PTPRK: variants seen among roughly 807,000 people sequenced by gnomAD.
PTPRK encodes the protein receptor-type tyrosine-protein phosphatase kappa.
In PTPRK, 75 loss-of-function variants were observed where a neutral mutation model predicts 178.0. The ratio of observed to expected loss-of-function variants is 0.42; its 90% CI spans 0.35 to 0.51. PTPRK has a LOEUF of 0.51. Ranked by LOEUF, PTPRK falls within the 20% of genes least tolerant of loss-of-function variation. The probability of loss-of-function intolerance (pLI) is 0.02; values close to 1 mark genes in which losing one functional copy is unlikely to be tolerated. For missense variants in PTPRK, 1,441 were observed against 1,797.8 expected (o/e 0.80, Z 3.59); for synonymous variants, 637 against 620.6 (o/e 1.03, Z -0.39).
intron 1 of PTPRK, among the ~76,000 whole-genome samples, chr6:128,447,324 A>G (rs767651329): frequency 8.5e-5 from 13 of 152,216 alleles, no homozygotes; most frequent in Non-Finnish European, 1.6e-4. Context: ...GAAAATAATA[A>G]TAGCTAACAT....
chr6:128,252,705 C>T (rs1251696748), intron 3 of PTPRK, among the ~76,000 whole-genome samples: 1 of 152,150 alleles, frequency 6.6e-6, no homozygotes, highest in Admixed American at 6.5e-5. Context: ...ACACAGTGCA[C>T]ACCACAGTTC....
At chr6:128,122,211 A>G (rs776011397) in intron 7 of PTPRK, among the ~76,000 whole-genome samples, 2 of 152,154 alleles carry the variant, frequency 1.3e-5, no homozygotes, top group Non-Finnish European at 2.9e-5. Context: ...TCTTTGGGGG[A>G]AGACACAAGT....
intron 1 of PTPRK, among the ~76,000 whole-genome samples, chr6:128,441,587 TCTC>T (rs1846288331): frequency 6.6e-6 from 1 of 152,102 alleles, no homozygotes; most frequent in African/African-American, 2.4e-5. Flanking sequence ...CCAGCTAGTC[TCTC>T]CTCTAGATAG....
chr6:128,376,507 G>A (rs142268421), intron 2 of PTPRK, among the ~76,000 whole-genome samples: 252 of 152,260 alleles, frequency 1.7e-3, no homozygotes, highest in Non-Finnish European at 3.1e-3. Context: ...CTAGCCCTCT[G>A]AGCCTGTGAT....
intron 1 of PTPRK, among the ~76,000 whole-genome samples, chr6:128,435,046 C>CAGGAAGGCAGGAAGGAAGGA (rs1845346116): frequency 1.4e-5 from 1 of 72,428 alleles, no homozygotes. Flanking sequence ...GGCAGGAAGG[C>CAGGAAGGCAGGAAGGAAGGA]AGGAAGGAAG....
At chr6:128,501,408 C>CAT (rs1855539405) in intron 1 of PTPRK, among the ~76,000 whole-genome samples, 1 of 152,064 alleles carries the variant, frequency 6.6e-6, no homozygotes, top group Non-Finnish European at 1.5e-5. Flanking sequence ...CACACACACA[C>CAT]ACACACACAC....
At chr6:128,292,629 T>C (rs924070410) in intron 3 of PTPRK, among the ~76,000 whole-genome samples, 2 of 152,080 alleles carry the variant, frequency 1.3e-5, no homozygotes, top group Non-Finnish European at 2.9e-5. Context: ...TTCTCTGTCA[T>C]GACCTTCCTC....
chr6:128,505,133 C>T (rs1856136338), intron 1 of PTPRK, among the ~76,000 whole-genome samples: 1 of 145,404 alleles, frequency 6.9e-6, no homozygotes, highest in Non-Finnish European at 1.5e-5. Flanking sequence ...GAGACGGAGT[C>T]TCACTCTGTC....
In PTPRK at chr6:128,161,313, T is replaced by C. The variant is rs538274506; in HGVS notation, c.1162+23119A>G. The stretch of plus-strand genomic sequence containing the variant: ...CTGAAAGTTCATGTTCTAGTAGCCC[T>C]ATGTGAATTGTCAATGTGTATTCCA... On this transcript the variant is annotated intron_variant, in intron 7 of 29. Coordinates refer to ENST00000368226, the MANE Select transcript of PTPRK (RefSeq NM_002844.4). Among the ~76,000 whole-genome samples, 30 of 151,754 alleles carry C rather than the reference T, an allele frequency of 2.0e-4. No individual in the cohort carries two copies. In the South Asian group the frequency reaches 6.2e-3, roughly 31 times the overall value.
intron 1 of PTPRK, chr6:128,518,994 G>A (rs1344633842): frequency 2.0e-6 from 1 of 507,744 alleles, no homozygotes; most frequent in Non-Finnish European, 4.0e-6. Flanking sequence ...GAAACTGTCA[G>A]GTACAAAGTA....
intron 27 of PTPRK, 137 bp downstream of exon 27, chr6:127,976,520 A>G: frequency 4.6e-6 from 5 of 1,081,082 alleles, no homozygotes; most frequent in Non-Finnish European, 6.6e-6. Flanking sequence ...CTAAGGCATA[A>G]GATGGTTACT....
intron 13 of PTPRK, among the ~76,000 whole-genome samples, chr6:128,020,730 A>G (rs891433252): frequency 2.0e-5 from 3 of 152,210 alleles, no homozygotes; most frequent in African/African-American, 7.2e-5. Context: ...CTAAAATAGT[A>G]AAGATGGTCG....
chr6:128,297,900 A>G (rs1824781724), intron 3 of PTPRK, among the ~76,000 whole-genome samples: 1 of 152,192 alleles, frequency 6.6e-6, no homozygotes, highest in African/African-American at 2.4e-5. Context: ...GGAAGTAGAG[A>G]CATAAAAAGC....
At position 128,386,557 on chromosome 6, in the gene PTPRK, G is replaced by A. The variant is rs547998411; in HGVS notation, c.223+11009C>T. Among the ~76,000 whole-genome samples, 6 of 152,150 alleles carry A rather than the reference G, an allele frequency of 3.9e-5. No homozygotes were observed. The East Asian group carries it at 1.2e-3, about 29-fold the overall frequency. On this transcript the variant is annotated intron_variant, in intron 2 of 29. Transcript: ENST00000368226. ...CTAATGGAGATGGTTATTTTGAGTT[G>A]GTTCCTAAGCTTCTGAAAAGAAGAA...
intron 6 of PTPRK, among the ~76,000 whole-genome samples, chr6:128,204,777 G>T (rs1806619743): frequency 6.6e-6 from 1 of 152,094 alleles, no homozygotes; most frequent in African/African-American, 2.4e-5. Context: ...ACAGATGCTG[G>T]CAAGGGTGTG....
chr6:128,255,241 G>A (rs1349183863), intron 3 of PTPRK, among the ~76,000 whole-genome samples: 2 of 152,014 alleles, frequency 1.3e-5, no homozygotes, highest in African/African-American at 2.4e-5. Context: ...CACCCACCTC[G>A]GCCTCCCAAA....
At chr6:128,015,025 G>A (rs1021716985) in intron 13 of PTPRK, among the ~76,000 whole-genome samples, 2 of 151,624 alleles carry the variant, frequency 1.3e-5, no homozygotes, top group Non-Finnish European at 3.0e-5. Context: ...GGAAAATAGT[G>A]CAAAAGTCTA....
At chr6:127,973,621 G>C (rs372860488) in intron 28 of PTPRK, 43 bp downstream of exon 28, 3 of 1,599,986 alleles carry the variant, frequency 1.9e-6, no homozygotes, top group Non-Finnish European at 2.6e-6. Context: ...GAGAAAATAA[G>C]CACCAAGGCC....
At chr6:128,095,142 AC>A (rs1197184125) in intron 7 of PTPRK, among the ~76,000 whole-genome samples, 1 of 152,118 alleles carries the variant, frequency 6.6e-6, no homozygotes, top group African/African-American at 2.4e-5. Flanking sequence ...TTCTAAAAAG[AC>A]CCACTAAGTC....
Sources: gnomAD v4.1 joint callset for allele counts (sites outside exome capture counted in the v4.1 genomes callset) on GRCh38, gnomAD v4.1.1 for gene constraint, MANE v1.5 for transcripts, NCBI Gene and HGNC (gene_info 2026-07-23, HGNC 2026-07-21) for gene names.